Variants in LRTM2 observed in about 807,000 individuals in gnomAD.
LRTM2 encodes leucine-rich repeat and transmembrane domain-containing protein 2.
Under a neutral mutation model 28.1 loss-of-function variants are expected in LRTM2, and 18 were observed. The observed-to-expected ratio is 0.64, with a 90% CI of 0.44 to 0.95. The LOEUF (loss-of-function observed/expected upper bound fraction) is 0.95. Ranked by LOEUF, LRTM2 falls within the 40% of genes least tolerant of loss-of-function variation. The probability of loss-of-function intolerance (pLI) is 0.00; values close to 1 mark genes in which losing one functional copy is unlikely to be tolerated. For synonymous variants in LRTM2, 250 were observed against 218.7 expected (o/e 1.14, Z -1.26); for missense variants, 436 against 497.2 (o/e 0.88, Z 1.17).
At chr12:1,821,700 A>T (rs187932022) in intron 1 of LRTM2, among the ~76,000 whole-genome samples, 1 of 152,282 alleles carries the variant, frequency 6.6e-6, no homozygotes. Flanking sequence ...AGAGCGGGAC[A>T]GTTGCTCTCA....
In LRTM2 at chr12:1,831,441, C is replaced by A. The variant is rs772785639; in HGVS notation, c.574C>A (p.Leu192Met). The A allele has an allele frequency of 1.2e-6, 2 of 1,614,174 alleles. No individual in the cohort carries two copies. Among genetic ancestry groups the A allele is most frequent in the Admixed American group, 3.3e-5 (2 of 60,030 alleles). ...ATTTGAACCCCTAGCAAACCTGCAG[C>A]TGCTGCAGGTCGGGGATAACCCCTG... ...LTFEPLANLQ[L>M]LQVGDNPWEC... Residue 192 changes from leucine (L) to methionine (M), a missense_variant, in exon 4 of 5, where the codon CTG (leucine) becomes ATG (methionine). By Grantham distance (15) the Leu-to-Met change is conservative. Coordinates refer to ENST00000299194, the MANE Select transcript of LRTM2 (RefSeq NM_001039029.3).
intron 1 of LRTM2, among the ~76,000 whole-genome samples, chr12:1,826,554 G>A (rs1864337059): frequency 6.6e-6 from 1 of 152,230 alleles, no homozygotes; most frequent in Admixed American, 6.5e-5. Context: ...GGGCACCTGG[G>A]CTGCCTGCAA....
chr12:1,833,077 C>T lies in LRTM2; in HGVS notation c.659-1190C>T, dbSNP rs964282795. Among the ~76,000 whole-genome samples the T allele has an allele frequency of 3.4e-4, 51 of 152,192 alleles. No individual in the cohort carries two copies. The highest frequency in any genetic ancestry group is 1.1e-3 in the African/African-American group (46 of 41,532). ...TCCTGTGGTCGCCGGGAACTGAATTCCCAGCACAAAAATGCATGCCATGAG... is the reference window on the plus strand; with the variant it reads ...TCCTGTGGTCGCCGGGAACTGAATTTCCAGCACAAAAATGCATGCCATGAG... On this transcript the variant is annotated intron_variant, in intron 4 of 4. Coordinates refer to ENST00000299194, the MANE Select transcript of LRTM2 (RefSeq NM_001039029.3). The surrounding 1 kb of genome is among the most constrained non-coding windows in gnomAD (Gnocchi z 4.2).
At position 1,828,191 on chromosome 12, in the gene LRTM2, G is replaced by A. The variant is rs543122038; in HGVS notation, c.43G>A (p.Ala15Thr). 54 of 1,546,956 alleles carry A rather than the reference G, an allele frequency of 3.5e-5. No individual in the cohort carries two copies. Among genetic ancestry groups the A allele is most frequent in the South Asian group, 1.2e-4 (10 of 83,644 alleles). The change falls in exon 3 of 5, where the codon GCC becomes ACC. Residue 15 changes from alanine to threonine, a missense_variant. Ala to Thr is a moderately conservative substitution (Grantham distance 58). Transcript: ENST00000299194. The surrounding 1 kb of genome is among the most constrained non-coding windows in gnomAD (Gnocchi z 4.2). ...GSSPGQRGRL[A>T]LQWRQVSWIT... Reference sequence around the variant, plus strand: ...CAGCCCTGGGCAGAGGGGCAGGCTCGCCCTGCAGTGGAGGCAAGTCTCCTG... The same window carrying A: ...CAGCCCTGGGCAGAGGGGCAGGCTCACCCTGCAGTGGAGGCAAGTCTCCTG...
At position 1,834,115 on chromosome 12, in the gene LRTM2, G is replaced by A. The variant is rs1457068771; in HGVS notation, c.659-152G>A. ...CAATCAATGCTGTTTTCCCTCCTCC[G>A]CTTCCTCTTCTATAGATGGTGATTC... On this transcript the variant is annotated intron_variant, in intron 4 of 4. Coordinates refer to ENST00000299194, the MANE Select transcript of LRTM2 (RefSeq NM_001039029.3). This position sits in a 1 kb window ranked among gnomAD's most constrained non-coding sequence, Gnocchi z 7.6. 7.9e-6 allele frequency: 7 copies of A among 886,324 alleles called. No homozygotes were observed. Among genetic ancestry groups the A allele is most frequent in the African/African-American group, 1.7e-5 (1 of 59,486 alleles). The allele number at this position is 886,324 out of a possible 1,614,324, so 54.9% of individuals were successfully genotyped here. A position where few individuals can be genotyped will look rare whatever the true frequency, so the allele number is the denominator to read the frequency against.
At chr12:1,821,421 G>T (rs926662114) in intron 1 of LRTM2, among the ~76,000 whole-genome samples, 4 of 152,228 alleles carry the variant, frequency 2.6e-5, no homozygotes, top group African/African-American at 9.6e-5. Flanking sequence ...ACTCAGCTGT[G>T]CATGAAGCCT....
intron 1 of LRTM2, among the ~76,000 whole-genome samples, chr12:1,822,887 G>A (rs1477194184): frequency 2.6e-5 from 4 of 152,140 alleles, no homozygotes; most frequent in East Asian, 1.9e-4. Flanking sequence ...TCTTTGGCCC[G>A]GGGCTCTGGC....
intron 1 of LRTM2, among the ~76,000 whole-genome samples, chr12:1,821,831 T>C (rs1259205677): frequency 6.6e-6 from 1 of 151,810 alleles, no homozygotes; most frequent in Non-Finnish European, 1.5e-5. Context: ...GCCCTGTCTC[T>C]CCCCCACCCC....
rs928447688 is a variant in LRTM2 at position 1,831,238 on chromosome 12, G to T, written c.371G>T (p.Arg124Leu). ...DLTNLTELQL[R>L]NNSIRTLDRD... Reference sequence around the variant, plus strand: ...ACGAATCTGACTGAGCTTCAGCTGCGCAATAACAGCATCAGGACCCTGGAC... The same window carrying T: ...ACGAATCTGACTGAGCTTCAGCTGCTCAATAACAGCATCAGGACCCTGGAC... The change falls in exon 4 of 5, where the codon CGC (arginine) becomes CTC (leucine). Residue 124 changes from arginine to leucine, a missense_variant. Coordinates refer to ENST00000299194, the MANE Select transcript of LRTM2 (RefSeq NM_001039029.3). 7 of 1,613,574 alleles carry T rather than the reference G, an allele frequency of 4.3e-6. No homozygotes were observed. The highest frequency in any genetic ancestry group is 5.9e-6 in the Non-Finnish European group (7 of 1,180,054).
At chr12:1,822,604 G>A (rs958335261) in intron 1 of LRTM2, among the ~76,000 whole-genome samples, 4 of 152,226 alleles carry the variant, frequency 2.6e-5, no homozygotes, top group African/African-American at 9.7e-5. Context: ...TTGAGATTGA[G>A]AATATTTGAC....
rs1864531648 is a variant in LRTM2 at position 1,829,713 on chromosome 12, G to GCCAGGTC, written c.68-1211_68-1205dup. On this transcript the variant is annotated intron_variant, in intron 3 of 4. Coordinates refer to ENST00000299194, the MANE Select transcript of LRTM2 (RefSeq NM_001039029.3). The surrounding 1 kb of genome is among the most constrained non-coding windows in gnomAD (Gnocchi z 4.2). Reference sequence around the variant, plus strand: ...CATCGGCCCACCCCGACCTGGGACAGCCAGGTCCCAGGTCCCATGTCAGGG... The same window carrying GCCAGGTC: ...CATCGGCCCACCCCGACCTGGGACAGCCAGGTCCCAGGTCCCAGGTCCCATGTCAGGG... Among the ~76,000 whole-genome samples the GCCAGGTC allele has an allele frequency of 6.8e-6, 1 of 147,354 alleles. No homozygotes were observed. Among genetic ancestry groups the GCCAGGTC allele is most frequent in the Non-Finnish European group, 1.5e-5 (1 of 66,810 alleles).
Position 1,835,439 on chromosome 12 carries a change from A to ACACT in LRTM2, c.*721_*722insTCAC, listed in dbSNP as rs1864817254. 1.3e-5 allele frequency: 2 copies of ACACT among 152,458 alleles called. No individual in the cohort carries two copies. Among genetic ancestry groups the ACACT allele is most frequent in the African/African-American group, 4.8e-5 (2 of 41,422 alleles). 9.4% of individuals were successfully genotyped at this position (152,458 alleles called of 1,614,324 possible). ...AGAATTAATACACACACACACACAC[A>ACACT]CACACTCACACGGTCACACGGAGAC... On this transcript the variant is annotated 3_prime_UTR_variant, in exon 5 of 5. Transcript: ENST00000299194.
rs61731853 is a variant in LRTM2, at chr12:1,820,720, G to T, written c.-353G>T. 1 of 152,376 alleles carries T rather than the reference G, an allele frequency of 6.6e-6. No homozygotes were observed. Among genetic ancestry groups the T allele is most frequent in the Admixed American group, 6.5e-5 (1 of 15,290 alleles). The allele number at this position is 152,376 out of a possible 1,614,324, so 9.4% of individuals were successfully genotyped here. ...CAGTGCCCACTGCGCTCTGCCTGCC[G>T]GTGGTGTCTGGATTTCTATAGGAAT... is the stretch of plus-strand genomic sequence containing the variant. On this transcript the variant is annotated 5_prime_UTR_variant, in exon 1 of 5. Transcript: ENST00000299194. This position sits in a 1 kb window ranked among gnomAD's most constrained non-coding sequence, Gnocchi z 6.0.
At chr12:1,825,801 T>G (rs1864291101) in intron 1 of LRTM2, among the ~76,000 whole-genome samples, 1 of 151,616 alleles carries the variant, frequency 6.6e-6, no homozygotes, top group African/African-American at 2.4e-5. Flanking sequence ...CAGGGAGTGA[T>G]GAGCAGCCTG....
intron 1 of LRTM2, among the ~76,000 whole-genome samples, chr12:1,825,683 G>A (rs1864284722): frequency 6.6e-6 from 1 of 152,192 alleles, no homozygotes; most frequent in Non-Finnish European, 1.5e-5. Flanking sequence ...TTTGCATCAC[G>A]TGCTGTGTAC....
At position 1,829,889 on chromosome 12, in the gene LRTM2, CA is replaced by C. The variant is rs1864542289; in HGVS notation, c.68-1045del. Among the ~76,000 whole-genome samples the C allele has an allele frequency of 1.3e-5, 2 of 152,122 alleles. No homozygotes were observed. Among genetic ancestry groups the C allele is most frequent in the Admixed American group, 1.3e-4 (2 of 15,278 alleles). Reference sequence around the variant, plus strand: ...CTTCCCAGTTCTCTTTCACGATGAGCAGGCTTCTCTGCTACTCAGGAGGACA... The same window carrying C: ...CTTCCCAGTTCTCTTTCACGATGAGCGGCTTCTCTGCTACTCAGGAGGACA... On this transcript the variant is annotated intron_variant, in intron 3 of 4. Coordinates refer to ENST00000299194, the MANE Select transcript of LRTM2 (RefSeq NM_001039029.3). This position sits in a 1 kb window ranked among gnomAD's most constrained non-coding sequence, Gnocchi z 4.2.
chr12:1,828,758 T>C lies in LRTM2; in HGVS notation c.67+543T>C, dbSNP rs766669377. ...GTGGGATGCGGCGCTGGAAGAGACTTTGGGGAGTGGGTCCAACCCCTCCTG... is the reference window on the plus strand; with the variant it reads ...GTGGGATGCGGCGCTGGAAGAGACTCTGGGGAGTGGGTCCAACCCCTCCTG... On this transcript the variant is annotated intron_variant, in intron 3 of 4. Transcript: ENST00000299194. The surrounding 1 kb of genome is among the most constrained non-coding windows in gnomAD (Gnocchi z 4.2). Among the ~76,000 whole-genome samples the C allele has an allele frequency of 2.0e-5, 3 of 152,244 alleles. No individual in the cohort carries two copies. Among genetic ancestry groups the C allele is most frequent in the South Asian group, 2.1e-4 (1 of 4,816 alleles).
intron 1 of LRTM2, among the ~76,000 whole-genome samples, chr12:1,826,978 G>A (rs1354815550): frequency 2.0e-5 from 3 of 152,346 alleles, no homozygotes; most frequent in East Asian, 1.9e-4. Context: ...GGCCCATGGG[G>A]GCAGGGAGAG....
In LRTM2 at chr12:1,831,245, C is replaced by T. The variant is rs751247965; in HGVS notation, c.378C>T (p.Asn126=). The T allele has an allele frequency of 2.2e-5, 35 of 1,613,726 alleles. No homozygotes were observed. The Admixed American group carries it at 5.3e-4, about 25-fold the overall frequency. ...TNLTELQLRN[N]SIRTLDRDLL... The stretch of plus-strand genomic sequence containing the variant: ...TGACTGAGCTTCAGCTGCGCAATAA[C>T]AGCATCAGGACCCTGGACAGGGACC... The change falls in exon 4 of 5, where the codon AAC becomes AAT. Residue 126 remains asparagine (N), a synonymous_variant. Coordinates refer to ENST00000299194, the MANE Select transcript of LRTM2 (RefSeq NM_001039029.3).
Sources: allele counts gnomAD v4.1 joint callset (sites outside exome capture counted in the v4.1 genomes callset), GRCh38; gene constraint gnomAD v4.1.1; non-coding constraint Gnocchi (gnomAD v3.1); transcripts MANE v1.5; gene names NCBI Gene and HGNC (gene_info 2026-07-23, HGNC 2026-07-21).